TP53BP2: variants seen among roughly 807,000 people sequenced by gnomAD.
The protein encoded by TP53BP2 is tumor protein p53 binding protein 2, also known as apoptosis-stimulating of p53 protein 2.
Under a neutral mutation model 126.2 loss-of-function variants are expected in TP53BP2, and 62 were observed. The observed-to-expected ratio is 0.49, with a 90% CI of 0.40 to 0.61. The LOEUF (loss-of-function observed/expected upper bound fraction) is 0.61, where lower values mean the gene tolerates loss of function less well. Ranked by LOEUF, TP53BP2 falls within the 20% of genes least tolerant of loss-of-function variation. The pLI, the probability that TP53BP2 is intolerant of heterozygous loss-of-function variation, is 0.00. For missense variants in TP53BP2, 1,215 were observed against 1,402.8 expected (o/e 0.87, Z 2.14); for synonymous variants, 485 against 502.9 (o/e 0.96, Z 0.48).
intron 2 of TP53BP2, among the ~76,000 whole-genome samples, chr1:223,818,513 AAAAAG>A (rs912764865): frequency 1.3e-5 from 2 of 151,456 alleles, no homozygotes; most frequent in African/African-American, 2.4e-5. Flanking sequence ...AAAAAAAAAA[AAAAAG>A]AAAAGAAAAG....
intron 17 of TP53BP2, among the ~76,000 whole-genome samples, chr1:223,783,646 G>A (rs1395842999): frequency 6.7e-6 from 1 of 150,072 alleles, no homozygotes; most frequent in East Asian, 1.9e-4. Flanking sequence ...ATCTTTACAT[G>A]ATGACAGCAG....
chr1:223,802,074 A>G (rs1191060953), intron 9 of TP53BP2, 42 bp downstream of exon 9: 1 of 1,562,868 alleles, frequency 6.4e-7, no homozygotes, highest in Non-Finnish European at 8.7e-7. Context: ...GGGAGAAAGA[A>G]TAGTGGGGAC....
intron 4 of TP53BP2, among the ~76,000 whole-genome samples, chr1:223,809,460 G>C (rs1381590543): frequency 6.6e-6 from 1 of 151,896 alleles, no homozygotes; most frequent in Non-Finnish European, 1.5e-5. Context: ...CCAGCTACTC[G>C]GGAGGCTGAG....
intron 17 of TP53BP2, among the ~76,000 whole-genome samples, chr1:223,782,254 T>C (rs1481234780): frequency 2.0e-5 from 3 of 152,156 alleles, no homozygotes; most frequent in Non-Finnish European, 2.9e-5. Context: ...TACACAATTT[T>C]TGCCAATTTA....
chr1:223,804,434 T>C, intron 5 of TP53BP2, 86 bp from the exon 6 acceptor site: 1 of 1,237,434 alleles, frequency 8.1e-7, no homozygotes, highest in Non-Finnish European at 1.2e-6. Flanking sequence ...CACTTAGATG[T>C]TGAGATTGAG....
At chr1:223,798,719 C>T (rs1284306145) in intron 11 of TP53BP2, 42 bp from the exon 12 acceptor site, 19 of 1,446,922 alleles carry the variant, frequency 1.3e-5, no homozygotes, top group Non-Finnish European at 1.8e-5. Flanking sequence ...TACTATATAA[C>T]TGGGTACACA....
At chr1:223,802,404 A>G in intron 8 of TP53BP2, 60 bp from the exon 9 acceptor site, 9 of 1,479,644 alleles carry the variant, frequency 6.1e-6, no homozygotes, top group South Asian at 1.2e-5. Flanking sequence ...TCAGACTTAG[A>G]AACTAAGATG....
At chr1:223,787,713 A>C (rs1662017733) in intron 16 of TP53BP2, among the ~76,000 whole-genome samples, 1 of 152,050 alleles carries the variant, frequency 6.6e-6, no homozygotes, top group Non-Finnish European at 1.5e-5. Context: ...TTCCATCTCT[A>C]CTAAAAATAC....
chr1:223,825,193 T>C (rs575524184), intron 1 of TP53BP2, among the ~76,000 whole-genome samples: 1 of 152,200 alleles, frequency 6.6e-6, no homozygotes, highest in Non-Finnish European at 1.5e-5. Context: ...TTTGTCTTTG[T>C]TCAGTGTTGT....
At chr1:223,826,918 G>A (rs1663516362) in intron 1 of TP53BP2, among the ~76,000 whole-genome samples, 1 of 152,172 alleles carries the variant, frequency 6.6e-6, no homozygotes, top group Non-Finnish European at 1.5e-5. Flanking sequence ...TTTGAAGATA[G>A]AGCCAGTAAG....
intron 5 of TP53BP2, 28 bp from the exon 6 acceptor site, chr1:223,804,376 G>A: frequency 1.2e-6 from 2 of 1,603,662 alleles, no homozygotes; most frequent in African/African-American, 1.3e-5. Context: ...CATTAGGTAT[G>A]TCATTTTAGG....
intron 1 of TP53BP2, chr1:223,825,814 A>C (rs1041105466): frequency 5.9e-5 from 9 of 152,300 alleles, no homozygotes; most frequent in African/African-American, 1.9e-4. Flanking sequence ...CAAAAAAATA[A>C]ACACCACAAC....
intron 17 of TP53BP2, 108 bp downstream of exon 17, chr1:223,784,007 C>T: frequency 2.2e-6 from 2 of 927,894 alleles, no homozygotes; most frequent in Non-Finnish European, 3.5e-6. Context: ...AATTCCATGT[C>T]TTATTAACAA....
intron 1 of TP53BP2, among the ~76,000 whole-genome samples, chr1:223,839,708 T>C (rs1439985153): frequency 6.6e-6 from 1 of 152,132 alleles, no homozygotes. Flanking sequence ...GGGAGGCAGA[T>C]CACTTGAGGT....
At chr1:223,791,933 C>T (rs1006366628) in intron 15 of TP53BP2, among the ~76,000 whole-genome samples, 16 of 152,212 alleles carry the variant, frequency 1.1e-4, no homozygotes, top group African/African-American at 3.1e-4. Flanking sequence ...TTGCGTTTTA[C>T]GTACACCCTG....
At chr1:223,831,477 AAAAATATATATATATATATATAT>A (rs1332083363) in intron 1 of TP53BP2, among the ~76,000 whole-genome samples, 1 of 42,026 alleles carries the variant, frequency 2.4e-5, no homozygotes, top group African/African-American at 1.2e-4. Context: ...AAAAAAAAAA[AAAAATATATATATATATATATAT>A]ATATATATAT....
chr1:223,785,319 G>A (rs1389728428), intron 16 of TP53BP2, among the ~76,000 whole-genome samples: 1 of 152,128 alleles, frequency 6.6e-6, no homozygotes, highest in Non-Finnish European at 1.5e-5. Context: ...CTCACTCTGG[G>A]AAAAACTGAA....
chr1:223,807,107 A>C (rs572136431), intron 4 of TP53BP2, among the ~76,000 whole-genome samples, 160 bp from the exon 5 acceptor site: 2 of 152,344 alleles, frequency 1.3e-5, no homozygotes, highest in Admixed American at 1.3e-4. Flanking sequence ...ATTAATTCTT[A>C]TATTAATACT....
At chr1:223,845,576 C>T in intron 1 of TP53BP2, 78 bp downstream of exon 1, 2 of 1,433,706 alleles carry the variant, frequency 1.4e-6, no homozygotes, top group Non-Finnish European at 9.1e-7. Flanking sequence ...CCCCGACGCG[C>T]CCGAGGGCGC....
Sources: allele counts gnomAD v4.1 joint callset (sites outside exome capture counted in the v4.1 genomes callset), GRCh38; gene constraint gnomAD v4.1.1; transcripts MANE v1.5; gene names NCBI Gene and HGNC (gene_info 2026-07-23, HGNC 2026-07-21).